Variants in STARD13 observed in about 807,000 individuals in gnomAD.
STARD13 encodes the protein stAR-related lipid transfer protein 13.
In STARD13, 62 loss-of-function variants were observed where a neutral mutation model predicts 106.4. The observed-to-expected ratio is 0.58, with a 90% CI of 0.48 to 0.72. STARD13 has a LOEUF of 0.72. Among genes scored for constraint, STARD13 ranks in the 30% least tolerant of loss-of-function variants. STARD13 has a pLI of 0.00. For missense variants in STARD13, 1,387 were observed against 1,424.0 expected, an observed-to-expected ratio of 0.97 and a Z score of 0.42; for synonymous variants, 565 against 553.0, an observed-to-expected ratio of 1.02 and a Z score of -0.31.
the STARD13 span, among the ~76,000 whole-genome samples, chr13:33,360,086 T>A: frequency 1.3e-5 from 2 of 152,248 alleles, no homozygotes; most frequent in African/African-American, 4.8e-5. Flanking sequence ...TTCCTTGTTA[T>A]CAGTAACAGA....
chr13:33,540,286 G>T, the STARD13 span, among the ~76,000 whole-genome samples: 1 of 152,134 alleles, frequency 6.6e-6, no homozygotes, highest in African/African-American at 2.4e-5. Context: ...CTTAAGTCGA[G>T]AACTTTCACC....
At chr13:33,366,111 TC>T in the STARD13 span, among the ~76,000 whole-genome samples, 1 of 152,100 alleles carries the variant, frequency 6.6e-6, no homozygotes, top group Non-Finnish European at 1.5e-5. The surrounding 1 kb of genome is among the most constrained non-coding windows in gnomAD (Gnocchi z 4.2). Flanking sequence ...AGAATTTTTT[TC>T]TAGGTATAGT....
intron 1 of STARD13, among the ~76,000 whole-genome samples, chr13:33,231,713 G>A (rs1049049509): frequency 2.6e-4 from 39 of 152,186 alleles, no homozygotes; most frequent in African/African-American, 9.2e-4. Context: ...GAAAGCTGGG[G>A]CACAAACTGC....
At chr13:33,383,853 C>T in the STARD13 span, among the ~76,000 whole-genome samples, 1 of 151,204 alleles carries the variant, frequency 6.6e-6, no homozygotes, top group African/African-American at 2.4e-5. Flanking sequence ...GTACTTTTCT[C>T]CTTCGTGAGT....
the STARD13 span, among the ~76,000 whole-genome samples, chr13:33,436,721 G>T: frequency 8.5e-5 from 13 of 152,142 alleles, no homozygotes; most frequent in African/African-American, 3.1e-4. Context: ...GAAAAGAGTG[G>T]CATTCTCTCT....
Position 33,110,022 on chromosome 13 carries a change from G to C in STARD13, c.2898C>G (p.Val966=). The change falls in exon 12 of 14, where the codon GTC becomes GTG. Residue 966 remains valine, a synonymous_variant. Transcript: ENST00000336934. ...SVEVEAPPSV[V]LNRVLRERHL... is the part of the protein sequence containing the mutation. ...GGCGCTCTCTCAGCACGCGGTTCAG[G>C]ACCACTGAGGGGGGTGCTTCCACCT... 6.2e-7 allele frequency: 1 copy of C among 1,614,208 alleles called. No homozygotes were observed. Among genetic ancestry groups the C allele is most frequent in the Non-Finnish European group, 8.5e-7 (1 of 1,180,032 alleles).
chr13:33,639,542 G>A, the STARD13 span, among the ~76,000 whole-genome samples: 3 of 152,166 alleles, frequency 2.0e-5, no homozygotes, highest in Non-Finnish European at 2.9e-5. Flanking sequence ...GCAGAAAGAA[G>A]GGAATGATCC....
intron 4 of STARD13, 111 bp downstream of exon 4, chr13:33,142,199 T>C: frequency 2.4e-6 from 2 of 831,292 alleles, no homozygotes; most frequent in East Asian, 5.2e-5. Flanking sequence ...AGCTAATTTA[T>C]TATTATTATT....
chr13:33,465,705 T>C, the STARD13 span, among the ~76,000 whole-genome samples: 1 of 152,118 alleles, frequency 6.6e-6, no homozygotes. Context: ...AAAAATGACA[T>C]GCACTACGCT....
At chr13:33,320,890 C>T (rs573476626) in intron 1 of STARD13, among the ~76,000 whole-genome samples, 4 of 152,154 alleles carry the variant, frequency 2.6e-5, no homozygotes, top group Non-Finnish European at 4.4e-5. Context: ...GTTGTCATAC[C>T]CTCCCTCTAT....
Position 33,264,051 on chromosome 13 carries a change from C to T in STARD13, c.169+21419G>A, listed in dbSNP as rs78386674. Among the ~76,000 whole-genome samples, 630 of 152,292 alleles carry T rather than the reference C, an allele frequency of 4.1e-3. 2 individuals are homozygous for T. Among genetic ancestry groups the T allele is most frequent in the South Asian group, 0.017 (80 of 4,812 alleles). On this transcript the variant is annotated intron_variant, in intron 1 of 13. Transcript: ENST00000336934. ...CATGTGGGGAAGAAGGAAGCCTGGGCAACCACATGGACACATGTAGATGCA... is the reference window on the plus strand; with the variant it reads ...CATGTGGGGAAGAAGGAAGCCTGGGTAACCACATGGACACATGTAGATGCA...
At chr13:33,388,687 A>ACAAGC in the STARD13 span, among the ~76,000 whole-genome samples, 4 of 152,168 alleles carry the variant, frequency 2.6e-5, no homozygotes. Flanking sequence ...TCTGACTTGC[A>ACAAGC]CAAGCCTATG....
chr13:33,532,907 T>TG, the STARD13 span, among the ~76,000 whole-genome samples: 5 of 152,196 alleles, frequency 3.3e-5, no homozygotes, highest in East Asian at 9.8e-4. Flanking sequence ...GTGGACCAGA[T>TG]GGGCACCTTC....
chr13:33,250,966 A>G (rs1345638537), intron 1 of STARD13, among the ~76,000 whole-genome samples: 1 of 152,208 alleles, frequency 6.6e-6, no homozygotes, highest in Non-Finnish European at 1.5e-5. Context: ...GAATAAGTGA[A>G]AGCATAGAAG....
At chr13:33,185,954 G>T in intron 1 of STARD13, 1 of 1,614,210 alleles carries the variant, frequency 6.2e-7, no homozygotes. Context: ...CTCTGCACCA[G>T]CGCAGCACCA....
the STARD13 span, among the ~76,000 whole-genome samples, chr13:33,621,888 T>C: frequency 4.9e-4 from 73 of 150,386 alleles, no homozygotes; most frequent in Non-Finnish European, 7.2e-4. Context: ...CACTGCAACC[T>C]CCCCCTCCCG....
At chr13:33,302,295 A>G (rs1892751335) in intron 1 of STARD13, among the ~76,000 whole-genome samples, 1 of 152,246 alleles carries the variant, frequency 6.6e-6, no homozygotes, top group Non-Finnish European at 1.5e-5. Context: ...CACCATCATG[A>G]CTAGAATGCT....
chr13:33,280,841 C>A (rs1409456322), intron 1 of STARD13: 1 of 152,054 alleles, frequency 6.6e-6, no homozygotes, highest in African/African-American at 2.4e-5. Context: ...TAATCCAAAC[C>A]CTTTATTTAA....
the STARD13 span, among the ~76,000 whole-genome samples, chr13:33,430,834 A>G: frequency 3.9e-5 from 6 of 152,316 alleles, no homozygotes; most frequent in East Asian, 9.7e-4. Context: ...AAAATATTGC[A>G]TGTTCTCACT....
Sources: allele counts gnomAD v4.1 joint callset (sites outside exome capture counted in the v4.1 genomes callset), GRCh38; gene constraint gnomAD v4.1.1; non-coding constraint Gnocchi (gnomAD v3.1); transcripts MANE v1.5; gene names NCBI Gene and HGNC (gene_info 2026-07-23, HGNC 2026-07-21).